The following PDE8A variants were observed in gnomAD, a reference collection of about 807,000 sequenced individuals.
PDE8A encodes the protein high affinity cAMP-specific and IBMX-insensitive 3',5'-cyclic phosphodiesterase 8A.
Under a neutral mutation model 105.0 loss-of-function variants are expected in PDE8A, and 59 were observed. The ratio of observed to expected loss-of-function variants is 0.56; its 90% CI spans 0.46 to 0.70. The LOEUF is 0.70. Among genes scored for constraint, PDE8A ranks in the 30% least tolerant of loss-of-function variants. The pLI, the probability that PDE8A is intolerant of heterozygous loss-of-function variation, is 0.00. For missense variants in PDE8A, 1,014 were observed against 1,045.9 expected (o/e 0.97, Z 0.42); for synonymous variants, 355 against 371.9 (o/e 0.95, Z 0.52).
chr15:85,113,786 CT>C (rs1483041858), intron 13 of PDE8A, 86 bp from the exon 14 acceptor site: 2 of 1,034,022 alleles, frequency 1.9e-6, no homozygotes, highest in Non-Finnish European at 2.9e-6. Context: ...TCCTGAGTAG[CT>C]GGAATTACAG....
chr15:85,108,814 G>T (rs2081981719), intron 11 of PDE8A, among the ~76,000 whole-genome samples: 1 of 152,118 alleles, frequency 6.6e-6, no homozygotes, highest in South Asian at 2.1e-4. Context: ...TTGGGACTCT[G>T]TAATTACATA....
intron 11 of PDE8A, among the ~76,000 whole-genome samples, chr15:85,105,823 G>A (rs1227988777): frequency 3.3e-5 from 5 of 152,088 alleles, no homozygotes; most frequent in Admixed American, 3.3e-4. Context: ...TGAGGCCCTG[G>A]GCGCAGCACG....
intron 8 of PDE8A, among the ~76,000 whole-genome samples, chr15:85,092,944 C>G (rs937286666): frequency 1.6e-4 from 23 of 141,638 alleles, no homozygotes; most frequent in African/African-American, 5.9e-4. Context: ...TTTCTTGAGA[C>G]AGGGTCTCAT....
chr15:85,114,084 G>C (rs2082059791), intron 14 of PDE8A, 47 bp downstream of exon 14: 1 of 1,544,688 alleles, frequency 6.5e-7, no homozygotes, highest in African/African-American at 1.4e-5. Flanking sequence ...TCTGTTCTTG[G>C]TTGTTTTCTC....
At chr15:85,122,972 A>G in intron 18 of PDE8A, 89 bp from the exon 19 acceptor site, 1 of 1,331,868 alleles carries the variant, frequency 7.5e-7, no homozygotes, top group Non-Finnish European at 1.1e-6. Context: ...TGCAGAGGAC[A>G]CATACCTGGA....
At chr15:85,099,257 A>T (rs192794373) in intron 9 of PDE8A, among the ~76,000 whole-genome samples, 1 of 152,280 alleles carries the variant, frequency 6.6e-6, no homozygotes, top group Non-Finnish European at 1.5e-5. Flanking sequence ...AGGCTTAGAG[A>T]GGTCAGGTTT....
intron 1 of PDE8A, among the ~76,000 whole-genome samples, chr15:85,012,744 C>G (rs1020372874): frequency 6.6e-6 from 1 of 151,730 alleles, no homozygotes; most frequent in African/African-American, 2.4e-5. Flanking sequence ...TTTTAACATA[C>G]AGTATTGTTA....
At chr15:85,079,913 CA>C (rs1161664522) in intron 5 of PDE8A, among the ~76,000 whole-genome samples, 54 of 138,090 alleles carry the variant, frequency 3.9e-4, no homozygotes, top group East Asian at 4.1e-4. Flanking sequence ...GACTCCATCT[CA>C]AAAAAAAAAA....
At chr15:85,104,724 TAGTA>T (rs1448979555) in intron 11 of PDE8A, among the ~76,000 whole-genome samples, 1 of 152,108 alleles carries the variant, frequency 6.6e-6, no homozygotes. Flanking sequence ...AGGGAGTGGA[TAGTA>T]AGTTTAGATT....
intron 1 of PDE8A, among the ~76,000 whole-genome samples, chr15:84,996,683 G>A (rs913726393): frequency 3.3e-5 from 5 of 151,816 alleles, no homozygotes; most frequent in East Asian, 1.9e-4. Flanking sequence ...AAAATTAGGC[G>A]GGTATAGTGG....
chr15:85,037,717 C>T (rs765182800), intron 1 of PDE8A, among the ~76,000 whole-genome samples: 11 of 152,066 alleles, frequency 7.2e-5, no homozygotes, highest in East Asian at 1.9e-4. Context: ...CTGTGTTCTT[C>T]TTATTAATTA....
intron 1 of PDE8A, among the ~76,000 whole-genome samples, chr15:84,990,716 T>C (rs1427699011): frequency 6.6e-6 from 1 of 152,260 alleles, no homozygotes; most frequent in Non-Finnish European, 1.5e-5. Context: ...TTTGTGGACA[T>C]GTGCTTTCAT....
intron 1 of PDE8A, among the ~76,000 whole-genome samples, chr15:85,026,879 C>T (rs1880342040): frequency 6.6e-6 from 1 of 152,142 alleles, no homozygotes; most frequent in Admixed American, 6.5e-5. Context: ...ACTTGTGTTT[C>T]AGTTATGTGT....
At chr15:85,033,733 C>T (rs561754138) in intron 1 of PDE8A, among the ~76,000 whole-genome samples, 3 of 152,182 alleles carry the variant, frequency 2.0e-5, no homozygotes, top group African/African-American at 2.4e-5. Flanking sequence ...GGCGTGGTGG[C>T]GGGCGCCTGT....
chr15:85,081,549 G>T (rs898564352), intron 5 of PDE8A, among the ~76,000 whole-genome samples: 2 of 152,160 alleles, frequency 1.3e-5, no homozygotes, highest in Admixed American at 6.5e-5. Flanking sequence ...TGTAGTCCCA[G>T]CCCCTTTCGT....
intron 1 of PDE8A, among the ~76,000 whole-genome samples, chr15:85,017,058 G>A (rs902253002): frequency 6.7e-6 from 1 of 149,860 alleles, no homozygotes; most frequent in Non-Finnish European, 1.5e-5. Flanking sequence ...TCAGGAGATC[G>A]AGACCATCCT....
intron 1 of PDE8A, among the ~76,000 whole-genome samples, chr15:84,994,581 A>G (rs2079944498): frequency 6.6e-6 from 1 of 152,238 alleles, no homozygotes; most frequent in Admixed American, 6.5e-5. Flanking sequence ...TGTATTTTAC[A>G]TTAGCATTTT....
intron 11 of PDE8A, among the ~76,000 whole-genome samples, chr15:85,104,520 C>T (rs2081918366): frequency 6.6e-6 from 1 of 151,826 alleles, no homozygotes. Context: ...ACTCCTGAAT[C>T]CAGCCTCAGG....
At chr15:84,999,018 T>C (rs1310825175) in intron 1 of PDE8A, among the ~76,000 whole-genome samples, 1 of 152,168 alleles carries the variant, frequency 6.6e-6, no homozygotes, top group Non-Finnish European at 1.5e-5. Flanking sequence ...TTTTAGTGGT[T>C]TTCTAGTCTG....
Sources: allele counts gnomAD v4.1 joint callset (sites outside exome capture counted in the v4.1 genomes callset), GRCh38; gene constraint gnomAD v4.1.1; transcripts MANE v1.5; gene names NCBI Gene and HGNC (gene_info 2026-07-23, HGNC 2026-07-21).